The following RALGDS variants were observed in gnomAD, a reference collection of about 807,000 sequenced individuals.
RALGDS encodes the protein ral guanine nucleotide exchange factor.
RALGDS carries 44 observed loss-of-function variants against 99.8 expected under a neutral mutation model. That is an observed-to-expected ratio of 0.44 (90% confidence interval 0.35 to 0.57). The LOEUF (loss-of-function observed/expected upper bound fraction) is 0.57, where lower values mean the gene tolerates loss of function less well. Among genes scored for constraint, RALGDS ranks in the 20% least tolerant of loss-of-function variants. RALGDS has a pLI of 0.01. For missense variants in RALGDS, 1,022 were observed against 1,203.1 expected (o/e 0.85, Z 2.23); for synonymous variants, 529 against 505.0 (o/e 1.05, Z -0.64).
chr9:133,103,299 C>T (rs559878575), intron 11 of RALGDS, 37 bp from the exon 12 acceptor site: 1 of 1,613,514 alleles, frequency 6.2e-7, no homozygotes, highest in African/African-American at 1.3e-5. Context: ...CAGAAAGTGA[C>T]CCCTTGACCA....
rs1489074468 is a variant in RALGDS, at chr9:133,137,968, G to A, written c.18+10995C>T. On this transcript the variant is annotated intron_variant, in intron 1 of 17. Coordinates refer to the RALGDS transcript ENST00000393160. The stretch of plus-strand genomic sequence containing the variant: ...CAGGCCCTGGTCGCCCAGTGCGCTC[G>A]GGCCAGGGGAACCAGGACAAACGGG... Among the ~76,000 whole-genome samples the A allele has an allele frequency of 5.3e-5, 8 of 152,322 alleles. No homozygotes were observed. The East Asian group carries it at 1.2e-3, about 22-fold the overall frequency.
In RALGDS at chr9:133,110,475, C is replaced by A; in HGVS notation, c.309G>T (p.Ser103=). Residue 103 remains serine, a synonymous_variant, in exon 3 of 18, where the codon TCG becomes TCT. Transcript: ENST00000372050. ...GQRWLGYENE[S]ALNLYETCKV... ...TGCAAGTCTCATAAAGGTTCAGGGC[C>A]GACTCATTCTCATACTGGGGTGGGA... The A allele has an allele frequency of 6.2e-7, 1 of 1,612,420 alleles. No individual in the cohort carries two copies. The highest frequency in any genetic ancestry group is 1.7e-4 in the Middle Eastern group (1 of 6,058).
intron 1 of RALGDS, among the ~76,000 whole-genome samples, chr9:133,142,478 T>TG (rs1832540315): frequency 1.3e-5 from 2 of 152,104 alleles, no homozygotes; most frequent in South Asian, 4.1e-4. Context: ...GCAACTGCTC[T>TG]GGGTTGCCAC....
intron 17 of RALGDS, 137 bp from the exon 18 acceptor site, chr9:133,098,899 A>T: frequency 1.2e-6 from 1 of 807,656 alleles, no homozygotes; most frequent in Non-Finnish European, 2.0e-6. Context: ...CCAGAACTCC[A>T]AGGACCCCTC....
chr9:133,101,329 CT>C, intron 16 of RALGDS, 190 bp downstream of exon 16: 2 of 1,452,514 alleles, frequency 1.4e-6, no homozygotes, highest in Non-Finnish European at 1.9e-6. Context: ...ACGGCTGCTC[CT>C]TTCCTCCCCC....
chr9:133,115,576 C>T (rs920122961), intron 1 of RALGDS, among the ~76,000 whole-genome samples: 1 of 152,202 alleles, frequency 6.6e-6, no homozygotes, highest in African/African-American at 2.4e-5. Flanking sequence ...CTCTGCCCAG[C>T]CCCTGGCCCT....
rs759279035 is a variant in RALGDS at position 133,098,677 on chromosome 9, G to A, written c.2655C>T (p.Phe885=). The part of the protein sequence containing the change: ...NYDFVLKKRT[F]TKGVKVKHGA... The stretch of plus-strand genomic sequence containing the variant: ...CGTGCTTGACCTTCACTCCCTTGGT[G>A]AAGGTCCGCTTCTTGAGGACAAAGT... The change falls in exon 18 of 18, where the codon TTC becomes TTT. Residue 885 remains phenylalanine (F), a synonymous_variant. Transcript: ENST00000372050. 2.5e-6 allele frequency: 4 copies of A among 1,614,148 alleles called. No homozygotes were observed. Among genetic ancestry groups the A allele is most frequent in the Non-Finnish European group, 3.4e-6 (4 of 1,180,008 alleles).
chr9:133,146,901 G>A (rs1444862467), intron 1 of RALGDS, among the ~76,000 whole-genome samples: 2 of 152,200 alleles, frequency 1.3e-5, no homozygotes, highest in Non-Finnish European at 2.9e-5. Flanking sequence ...ACATGAGAAT[G>A]GCCTGGGGGC....
Position 133,104,288 on chromosome 9 carries a change from C to A in RALGDS, c.1646G>T (p.Arg549Ile), listed in dbSNP as rs375740894. 1 of 1,613,920 alleles carries A rather than the reference C, an allele frequency of 6.2e-7. No individual in the cohort carries two copies. Among genetic ancestry groups the A allele is most frequent in the Non-Finnish European group, 8.5e-7 (1 of 1,179,924 alleles). ...KFATLEMNPK[R>I]AQKRPKETGI... ...CGTCTCCTTCGGCCGTTTCTGGGCT[C>A]TCTTGGGGTTCATCTCCAGGGTGGC... is the stretch of plus-strand genomic sequence containing the variant. The change falls in exon 10 of 18, where the codon AGA (arginine) becomes ATA (isoleucine). Residue 549 changes from arginine to isoleucine, a missense_variant. By Grantham distance (97) the Arg-to-Ile change is moderately conservative. Transcript: ENST00000372050.
At chr9:133,133,458 G>C (rs568472982), upstream of RALGDS, among the ~76,000 whole-genome samples, 1 of 152,226 alleles carries the variant, frequency 6.6e-6, no homozygotes, top group Non-Finnish European at 1.5e-5. Flanking sequence ...GGGGAGAGCA[G>C]GGTCTTTGTT....
At chr9:133,102,424 A>G in intron 14 of RALGDS, 52 bp downstream of exon 14, 1 of 1,558,352 alleles carries the variant, frequency 6.4e-7, no homozygotes, top group Middle Eastern at 1.7e-4. Flanking sequence ...TCAGCCCTGA[A>G]GCTTCTGAGC....
Position 133,110,329 on chromosome 9 carries a change from G to C in RALGDS, c.455C>G (p.Thr152Ser). The C allele has an allele frequency of 6.2e-7, 1 of 1,613,904 alleles. No homozygotes were observed. Among genetic ancestry groups the C allele is most frequent in the Non-Finnish European group, 8.5e-7 (1 of 1,179,986 alleles). Residue 152 changes from threonine to serine, a missense_variant, in exon 3 of 18, where the codon ACC becomes AGC. Coordinates refer to ENST00000372050, the MANE Select transcript of RALGDS (RefSeq NM_006266.4). ...CAGCAGGTCCAGGACCTGTTGGGTGGTGGTGAAGGCTCTATAGGTACACAG... is the reference window on the plus strand; with the variant it reads ...CAGCAGGTCCAGGACCTGTTGGGTGCTGGTGAAGGCTCTATAGGTACACAG... ...IFLCTYRAFT[T>S]TQQVLDLLFK...
exon 1 of RALGDS, chr9:133,149,008 C>T: frequency 6.4e-7 from 1 of 1,557,278 alleles, no homozygotes. Context: ...CATCGCCGGC[C>T]CCAGGGCGGG....
At chr9:133,121,266 A>T (rs934576405), upstream of RALGDS, 3 of 920,854 alleles carry the variant, frequency 3.3e-6, no homozygotes, top group African/African-American at 5.5e-5. Context: ...GGCCCTGCTG[A>T]TGTCAGGCTG....
intron 8 of RALGDS, 57 bp downstream of exon 8, chr9:133,106,588 T>G (rs778000268): frequency 7.4e-7 from 1 of 1,357,526 alleles, no homozygotes; most frequent in Non-Finnish European, 1.0e-6. Context: ...AAGGGGGTGA[T>G]GCCAGCCCTG....
chr9:133,136,123 T>G (rs545737017), intron 1 of RALGDS, among the ~76,000 whole-genome samples: 1 of 152,158 alleles, frequency 6.6e-6, no homozygotes, highest in South Asian at 2.1e-4. Flanking sequence ...ACTATTCAAG[T>G]GCCAGCGATA....
intron 1 of RALGDS, chr9:133,129,021 C>T: frequency 2.3e-6 from 3 of 1,280,060 alleles, no homozygotes; most frequent in Non-Finnish European, 3.1e-6. Flanking sequence ...CAAACTCCTC[C>T]AACCAGTTCT....
rs911413235 is a variant in RALGDS, at chr9:133,144,495, G to A, written c.18+4468C>T. ...CACCCATGAGGTGGCCGTGCCCCTG[G>A]CCTGTTTACAGCTGTGCGCAAGCTC... On this transcript the variant is annotated intron_variant, in intron 1 of 17. Coordinates refer to the RALGDS transcript ENST00000393160. The surrounding 1 kb of genome is among the most constrained non-coding windows in gnomAD (Gnocchi z 4.5). 1.3e-5 allele frequency among the ~76,000 whole-genome samples: 2 copies of A among 152,224 alleles called. No individual in the cohort carries two copies. The highest frequency in any genetic ancestry group is 4.8e-5 in the African/African-American group (2 of 41,454).
At chr9:133,118,843 C>T (rs902909344) in intron 1 of RALGDS, among the ~76,000 whole-genome samples, 3 of 152,180 alleles carry the variant, frequency 2.0e-5, no homozygotes, top group Admixed American at 6.5e-5. Context: ...GCTGGCTGCA[C>T]GGGTGTTTAG....
Sources: allele counts gnomAD v4.1 joint callset (sites outside exome capture counted in the v4.1 genomes callset), GRCh38; gene constraint gnomAD v4.1.1; non-coding constraint Gnocchi (gnomAD v3.1); transcripts MANE v1.5; gene names NCBI Gene and HGNC (gene_info 2026-07-23, HGNC 2026-07-21).